The following ARHGAP1 variants were observed in gnomAD, a reference collection of about 807,000 sequenced individuals.
The protein encoded by ARHGAP1 is rho GTPase-activating protein 1.
Under a neutral mutation model 52.2 loss-of-function variants are expected in ARHGAP1, and 23 were observed. That is an observed-to-expected ratio of 0.44 (90% CI 0.32 to 0.62). The LOEUF (loss-of-function observed/expected upper bound fraction) is 0.62, where lower values mean the gene tolerates loss of function less well. ARHGAP1 is among the 20% of genes least tolerant of loss of function. The probability of loss-of-function intolerance (pLI) is 0.05; values close to 1 mark genes in which losing one functional copy is unlikely to be tolerated. For missense variants in ARHGAP1, 480 were observed against 560.9 expected, an observed-to-expected ratio of 0.86 and a Z score of 1.46; for synonymous variants, 210 against 228.4, an observed-to-expected ratio of 0.92 and a Z score of 0.73.
chr11:46,677,882 G>A lies in ARHGAP1; in HGVS notation c.*1155C>T, dbSNP rs1394033806. The A allele has an allele frequency of 1.9e-5, 8 of 421,044 alleles. No homozygotes were observed. Among genetic ancestry groups the A allele is most frequent in the Middle Eastern group, 4.3e-4 (1 of 2,312 alleles). The allele number at this position is 421,044 out of a possible 1,614,324, so 26.1% of individuals were successfully genotyped here. Reference sequence around the variant, plus strand: ...GGAGAATTGCTTGAACCCAGAAGGCGGAGGTGTGCCGAGATCGCGCCACTG... The same window carrying A: ...GGAGAATTGCTTGAACCCAGAAGGCAGAGGTGTGCCGAGATCGCGCCACTG... On this transcript the variant is annotated 3_prime_UTR_variant, in exon 13 of 13. Coordinates refer to ENST00000311956, the MANE Select transcript of ARHGAP1 (RefSeq NM_004308.5).
At chr11:46,694,687 G>T (rs1243394228) in intron 3 of ARHGAP1, among the ~76,000 whole-genome samples, 2 of 152,210 alleles carry the variant, frequency 1.3e-5, no homozygotes, top group African/African-American at 4.8e-5. Context: ...CCAGACTGGG[G>T]AAAAAACTCT....
chr11:46,680,390 G>A lies in ARHGAP1; in HGVS notation c.820+97C>T. The A allele has an allele frequency of 6.3e-7, 1 of 1,576,136 alleles. No homozygotes were observed. Among genetic ancestry groups the A allele is most frequent in the Non-Finnish European group, 8.7e-7 (1 of 1,146,912 alleles). On this transcript the variant is annotated intron_variant, in intron 9 of 12. Transcript: ENST00000311956. The surrounding 1 kb of genome is among the most constrained non-coding windows in gnomAD (Gnocchi z 5.9). Reference sequence around the variant, plus strand: ...GGCAGGGCTGGGTGGGGACGTTGAGGCTTGCAGGACCTCCCTCTGCCCTGC... The same window carrying A: ...GGCAGGGCTGGGTGGGGACGTTGAGACTTGCAGGACCTCCCTCTGCCCTGC...
intron 3 of ARHGAP1, among the ~76,000 whole-genome samples, chr11:46,694,809 ATCCTCTC>A (rs2064640235): frequency 6.6e-6 from 1 of 152,158 alleles, no homozygotes; most frequent in Non-Finnish European, 1.5e-5. Context: ...GTTCGGGGCA[ATCCTCTC>A]AACTGCCCCC....
chr11:46,689,292 A>G (rs951584701), intron 3 of ARHGAP1, among the ~76,000 whole-genome samples: 1 of 152,160 alleles, frequency 6.6e-6, no homozygotes, highest in Non-Finnish European at 1.5e-5. Context: ...TTCCAGTTAC[A>G]TGAGATGTCT....
chr11:46,699,768 C>G (rs998914415), intron 1 of ARHGAP1, among the ~76,000 whole-genome samples: 4 of 152,014 alleles, frequency 2.6e-5, no homozygotes, highest in African/African-American at 9.7e-5. Flanking sequence ...GCAAATCCCA[C>G]CACAATACAA....
chr11:46,686,296 T>C (rs1434181984), intron 4 of ARHGAP1, among the ~76,000 whole-genome samples: 5 of 151,960 alleles, frequency 3.3e-5, no homozygotes, highest in East Asian at 2.0e-4. Flanking sequence ...ACAAGAGACT[T>C]GTGGCGCCCA....
At chr11:46,683,021 C>CT (rs1330806046) in intron 4 of ARHGAP1, among the ~76,000 whole-genome samples, 2 of 146,300 alleles carry the variant, frequency 1.4e-5, no homozygotes, top group African/African-American at 5.0e-5. Context: ...AGTGAAGTGT[C>CT]TAACACCAAA....
intron 3 of ARHGAP1, among the ~76,000 whole-genome samples, chr11:46,689,164 A>G (rs1433653585): frequency 1.3e-5 from 2 of 152,184 alleles, no homozygotes; most frequent in African/African-American, 4.8e-5. Context: ...AATCCATGCA[A>G]TGGAATACTG....
chr11:46,692,253 G>C (rs917939985), intron 3 of ARHGAP1, among the ~76,000 whole-genome samples: 3 of 152,182 alleles, frequency 2.0e-5, no homozygotes, highest in African/African-American at 7.2e-5. Context: ...CTAGTCTGGA[G>C]CTTCAGAAAC....
chr11:46,689,432 G>A (rs1315255468), intron 3 of ARHGAP1, among the ~76,000 whole-genome samples: 1 of 152,160 alleles, frequency 6.6e-6, no homozygotes, highest in Non-Finnish European at 1.5e-5. Context: ...AATGTTTTGG[G>A]ATTAGATGGA....
rs1172359741 is a variant in ARHGAP1 at position 46,682,040 on chromosome 11, C to T, written c.449+11G>A. On this transcript the variant is annotated intron_variant, in intron 5 of 12. Transcript: ENST00000311956. ...TGGATCTGACTGTGCAGGCCCCATGCCCCAACCCACTTGCGGTCAAACTCC... is the reference window on the plus strand; with the variant it reads ...TGGATCTGACTGTGCAGGCCCCATGTCCCAACCCACTTGCGGTCAAACTCC... 1 of 1,613,770 alleles carries T rather than the reference C, an allele frequency of 6.2e-7. No individual in the cohort carries two copies. Among genetic ancestry groups the T allele is most frequent in the African/African-American group, 1.3e-5 (1 of 75,060 alleles).
At chr11:46,697,876 A>G (rs1437856215) in intron 1 of ARHGAP1, among the ~76,000 whole-genome samples, 1 of 151,778 alleles carries the variant, frequency 6.6e-6, no homozygotes, top group Non-Finnish European at 1.5e-5. Context: ...CAACCCTTCA[A>G]CCCTTCAATA....
chr11:46,679,887 T>C lies in ARHGAP1; in HGVS notation c.899-111A>G. 1 of 1,513,166 alleles carries C rather than the reference T, an allele frequency of 6.6e-7. No homozygotes were observed. Among genetic ancestry groups the C allele is most frequent in the Non-Finnish European group, 8.9e-7 (1 of 1,129,830 alleles). 93.7% of individuals were successfully genotyped at this position (1,513,166 alleles called of 1,614,324 possible). On this transcript the variant is annotated intron_variant, in intron 10 of 12. Coordinates refer to ENST00000311956, the MANE Select transcript of ARHGAP1 (RefSeq NM_004308.5). This position sits in a 1 kb window ranked among gnomAD's most constrained non-coding sequence, Gnocchi z 4.4. ...TGCCCCTGGACACTGCATAAGCCCCTCCTCCCAGGGGCGCCCTCTGACACC... is the reference window on the plus strand; with the variant it reads ...TGCCCCTGGACACTGCATAAGCCCCCCCTCCCAGGGGCGCCCTCTGACACC...
At chr11:46,688,951 G>T (rs988382088) in intron 3 of ARHGAP1, among the ~76,000 whole-genome samples, 1 of 151,858 alleles carries the variant, frequency 6.6e-6, no homozygotes, top group Non-Finnish European at 1.5e-5. Context: ...GGGTGTGGTG[G>T]TGCACACCTA....
intron 3 of ARHGAP1, among the ~76,000 whole-genome samples, chr11:46,693,186 C>T (rs574054554): frequency 6.7e-4 from 102 of 152,070 alleles, no homozygotes; most frequent in South Asian, 2.5e-3. Flanking sequence ...TTAGTAGAGA[C>T]GGGGTTTCTC....
rs1406817120 is a variant in ARHGAP1 at position 46,679,249 on chromosome 11, A to G, written c.1132-24T>C. 8.8e-6 allele frequency: 14 copies of G among 1,592,126 alleles called. No homozygotes were observed. Among genetic ancestry groups the G allele is most frequent in the Non-Finnish European group, 1.2e-5 (14 of 1,166,906 alleles). The stretch of plus-strand genomic sequence containing the variant: ...ATCTGTGGAGGGAATCAGGGACTGC[A>G]GCAGGAAGCCACAGATGCTGCCTCC... On this transcript the variant is annotated intron_variant, in intron 12 of 12. Transcript: ENST00000311956. This position sits in a 1 kb window ranked among gnomAD's most constrained non-coding sequence, Gnocchi z 4.4.
At chr11:46,683,945 G>A (rs1288489126) in intron 4 of ARHGAP1, among the ~76,000 whole-genome samples, 1 of 152,140 alleles carries the variant, frequency 6.6e-6, no homozygotes, top group African/African-American at 2.4e-5. Flanking sequence ...CGGCCATAGA[G>A]CCCTCTTTCT....
chr11:46,686,064 C>T (rs2064566296), intron 4 of ARHGAP1, among the ~76,000 whole-genome samples: 1 of 151,720 alleles, frequency 6.6e-6, no homozygotes, highest in South Asian at 2.1e-4. Context: ...CTCTGCCTCC[C>T]GGGTTCAAGT....
chr11:46,681,948 C>A lies in ARHGAP1; in HGVS notation c.449+103G>T. The A allele has an allele frequency of 6.5e-7, 1 of 1,530,076 alleles. No individual in the cohort carries two copies. The highest frequency in any genetic ancestry group is 8.9e-7 in the Non-Finnish European group (1 of 1,124,618). The allele number at this position is 1,530,076 out of a possible 1,614,324, so 94.8% of individuals were successfully genotyped here. A position where few individuals can be genotyped will look rare whatever the true frequency, so the allele number is the denominator to read the frequency against. ...TGACGTAGACGGCAGCCCCCGCCAC[C>A]CCCTGCCTTGGAATAAGCTCCTGCC... On this transcript the variant is annotated intron_variant, in intron 5 of 12. Transcript: ENST00000311956. The surrounding 1 kb of genome is among the most constrained non-coding windows in gnomAD (Gnocchi z 5.7).
Sources: gnomAD v4.1 joint callset for allele counts (sites outside exome capture counted in the v4.1 genomes callset) on GRCh38, gnomAD v4.1.1 for gene constraint, Gnocchi (gnomAD v3.1) non-coding constraint, MANE v1.5 for transcripts, NCBI Gene and HGNC (gene_info 2026-07-23, HGNC 2026-07-21) for gene names.